Variants in EIF2B3 observed in about 807,000 individuals in gnomAD.
EIF2B3 encodes eukaryotic translation initiation factor 2B subunit gamma.
Under a neutral mutation model 54.1 loss-of-function variants are expected in EIF2B3, and 20 were observed. The observed-to-expected ratio is 0.37, with a 90% CI of 0.26 to 0.54. The LOEUF is 0.54. Among genes scored for constraint, EIF2B3 ranks in the 20% least tolerant of loss-of-function variants. EIF2B3 has a pLI of 0.86. For missense variants in EIF2B3, 448 were observed against 547.8 expected, an observed-to-expected ratio of 0.82 and a Z score of 1.82; for synonymous variants, 153 against 188.1, an observed-to-expected ratio of 0.81 and a Z score of 1.52.
At chr1:44,978,790 C>T (rs185512797) in intron 2 of EIF2B3, among the ~76,000 whole-genome samples, 1 of 151,686 alleles carries the variant, frequency 6.6e-6, no homozygotes, top group East Asian at 2.0e-4. Context: ...GCATGTGCCA[C>T]CATGCTTGGC....
At chr1:44,909,978 T>A (rs1024965764) in intron 5 of EIF2B3, among the ~76,000 whole-genome samples, 4 of 152,242 alleles carry the variant, frequency 2.6e-5, no homozygotes, top group African/African-American at 9.6e-5. Flanking sequence ...GATATAGATG[T>A]CTAAACCTTC....
At chr1:44,986,262 C>T (rs1224806832) in intron 1 of EIF2B3, among the ~76,000 whole-genome samples, 5 of 151,904 alleles carry the variant, frequency 3.3e-5, no homozygotes, top group African/African-American at 1.2e-4. Flanking sequence ...GCCTCAGACT[C>T]TCGAGTAGCT....
At chr1:44,958,766 G>T in intron 3 of EIF2B3, 1 of 1,512,356 alleles carries the variant, frequency 6.6e-7, no homozygotes, top group Non-Finnish European at 9.2e-7. Flanking sequence ...ATCCATCAGA[G>T]AAATATAAAG....
chr1:44,925,067 T>C (rs1643825389), intron 5 of EIF2B3: 1 of 152,238 alleles, frequency 6.6e-6, no homozygotes, highest in Non-Finnish European at 1.5e-5. Context: ...CTGGGGCTCT[T>C]ATGCACTGTT....
intron 10 of EIF2B3, among the ~76,000 whole-genome samples, chr1:44,858,070 C>CTTT (rs3044232): frequency 0.02 from 2,539 of 127,358 alleles, 57 homozygotes; most frequent in Non-Finnish European, 0.028. Context: ...ACTTCAGTTC[C>CTTT]TTTTTTTTTT....
intron 3 of EIF2B3, among the ~76,000 whole-genome samples, chr1:44,942,405 ATATATATATATATTTTTTTT>A (rs1569796908): frequency 5.5e-5 from 1 of 18,270 alleles, no homozygotes; most frequent in East Asian, 2.7e-3. Flanking sequence ...ATATATATAT[ATATATATATATATTTTTTTT>A]TTTTTTTTTT....
intron 4 of EIF2B3, among the ~76,000 whole-genome samples, chr1:44,929,322 C>T (rs1004332488): frequency 7.2e-5 from 11 of 152,202 alleles, no homozygotes; most frequent in African/African-American, 2.7e-4. Flanking sequence ...CTAAAGCTGC[C>T]TGTATACCTA....
At chr1:44,924,607 C>T (rs1046156938) in intron 5 of EIF2B3, among the ~76,000 whole-genome samples, 6 of 150,146 alleles carry the variant, frequency 4.0e-5, no homozygotes, top group Non-Finnish European at 7.4e-5. Context: ...AGGATAGTCT[C>T]GATCTCCCGA....
At chr1:44,962,471 G>A (rs55756712) in intron 3 of EIF2B3, among the ~76,000 whole-genome samples, 25,130 of 152,078 alleles carry the variant, frequency 0.17, 2,142 homozygotes, top group African/African-American at 0.17. Flanking sequence ...GGGGAGCAGT[G>A]GCGCGATCAC....
At chr1:44,974,595 G>T (rs1644434825) in intron 3 of EIF2B3, among the ~76,000 whole-genome samples, 1 of 150,830 alleles carries the variant, frequency 6.6e-6, no homozygotes, top group African/African-American at 2.4e-5. Context: ...GGAGTTTGGG[G>T]CTACAGTGAG....
At chr1:44,857,049 G>C (rs977684672) in intron 11 of EIF2B3, among the ~76,000 whole-genome samples, 1 of 152,138 alleles carries the variant, frequency 6.6e-6, no homozygotes, top group Non-Finnish European at 1.5e-5. Flanking sequence ...GCCTCCCAAA[G>C]TGTTGGGATT....
At chr1:44,929,535 A>G (rs191000230) in intron 4 of EIF2B3, among the ~76,000 whole-genome samples, 181 of 152,332 alleles carry the variant, frequency 1.2e-3, no homozygotes, top group Non-Finnish European at 2.0e-3. Context: ...AAATGCTGCC[A>G]ATCTGAAGCT....
At chr1:44,910,188 G>A (rs1643484784) in intron 5 of EIF2B3, among the ~76,000 whole-genome samples, 1 of 152,108 alleles carries the variant, frequency 6.6e-6, no homozygotes, top group Non-Finnish European at 1.5e-5. Context: ...AAAAACATAT[G>A]TCTGTCAGAA....
intron 3 of EIF2B3, among the ~76,000 whole-genome samples, chr1:44,959,709 T>C (rs1167727555): frequency 1.3e-5 from 2 of 152,166 alleles, no homozygotes; most frequent in African/African-American, 4.8e-5. Context: ...TCATTGGCAA[T>C]GGGGAATGGT....
chr1:44,979,585 G>C (rs148234403), intron 2 of EIF2B3, among the ~76,000 whole-genome samples: 1 of 151,878 alleles, frequency 6.6e-6, no homozygotes, highest in Non-Finnish European at 1.5e-5. Context: ...TTGATCCCAG[G>C]AGGCAGAGGT....
At chr1:44,978,005 C>T (rs1644470129) in intron 3 of EIF2B3, among the ~76,000 whole-genome samples, 1 of 151,966 alleles carries the variant, frequency 6.6e-6, no homozygotes, top group Non-Finnish European at 1.5e-5. Flanking sequence ...TTTGGAAGGC[C>T]GAGGAGGGTG....
chr1:44,915,835 A>C (rs954314001), intron 5 of EIF2B3, among the ~76,000 whole-genome samples: 15 of 152,194 alleles, frequency 9.9e-5, no homozygotes, highest in African/African-American at 3.6e-4. Flanking sequence ...AAAAAGTAAA[A>C]ATGAAGGAAA....
intron 10 of EIF2B3, 71 bp from the exon 11 acceptor site, chr1:44,857,878 G>T: frequency 6.8e-7 from 1 of 1,470,886 alleles, no homozygotes; most frequent in Non-Finnish European, 9.5e-7. Context: ...TTGGTTGGGG[G>T]TTCTGGCTCC....
At chr1:44,861,669 C>T (rs1015371905) in intron 10 of EIF2B3, among the ~76,000 whole-genome samples, 11 of 152,154 alleles carry the variant, frequency 7.2e-5, no homozygotes, top group Admixed American at 4.6e-4. Context: ...TTGTCTGTCT[C>T]ATCCAGTTGA....
Sources: gnomAD v4.1 joint callset for allele counts (sites outside exome capture counted in the v4.1 genomes callset) on GRCh38, gnomAD v4.1.1 for gene constraint, MANE v1.5 for transcripts, NCBI Gene and HGNC (gene_info 2026-07-23, HGNC 2026-07-21) for gene names.